Variants in COL4A2 observed in about 807,000 individuals in gnomAD.
COL4A2 encodes the protein collagen type IV alpha 2 chain, also known as collagen alpha-2(IV) chain.
Under a neutral mutation model 200.2 loss-of-function variants are expected in COL4A2, and 99 were observed. The observed-to-expected ratio is 0.49, with a 90% CI of 0.42 to 0.58. COL4A2 has a LOEUF of 0.58. COL4A2 is among the 20% of genes least tolerant of loss of function. The pLI, the probability that COL4A2 is intolerant of heterozygous loss-of-function variation, is 0.00. For missense variants in COL4A2, 1,950 were observed against 2,314.1 expected, an observed-to-expected ratio of 0.84 and a Z score of 3.23; for synonymous variants, 897 against 900.6, an observed-to-expected ratio of 1.00 and a Z score of 0.07.
intron 20 of COL4A2, among the ~76,000 whole-genome samples, chr13:110,452,807 G>A (rs554665668): frequency 6.6e-6 from 1 of 152,054 alleles, no homozygotes; most frequent in Admixed American, 6.5e-5. Flanking sequence ...CTGTATCCCA[G>A]GCTGGAGTGC....
intron 4 of COL4A2, among the ~76,000 whole-genome samples, chr13:110,409,406 G>GTA (rs1288616194): frequency 2.0e-5 from 3 of 152,238 alleles, no homozygotes; most frequent in Admixed American, 6.5e-5. Context: ...CCCTCTCCCA[G>GTA]TAATGCTCCT....
At chr13:110,377,933 C>A (rs1424271539) in intron 4 of COL4A2, among the ~76,000 whole-genome samples, 1 of 152,126 alleles carries the variant, frequency 6.6e-6, no homozygotes, top group Non-Finnish European at 1.5e-5. Context: ...CTCTTATTAG[C>A]AATCAAAACC....
Position 110,307,440 on chromosome 13 carries a change from A to G in COL4A2, c.-133A>G, listed in dbSNP as rs35466678. On this transcript the variant is annotated 5_prime_UTR_variant, in exon 1 of 48. Transcript: ENST00000360467. The surrounding 1 kb of genome is among the most constrained non-coding windows in gnomAD (Gnocchi z 5.0). ...GGGGCCGGCGCCCAGAGAGCCCAGCAAGGCCGGCCGCCCTGCCGGTGTGCC... is the reference window on the plus strand; with the variant it reads ...GGGGCCGGCGCCCAGAGAGCCCAGCGAGGCCGGCCGCCCTGCCGGTGTGCC... The G allele has an allele frequency of 0.16, 31,365 of 200,010 alleles. 2,717 individuals carry two copies. Among genetic ancestry groups the G allele is most frequent in the East Asian group, 0.28 (2,404 of 8,578 alleles). The allele number at this position is 200,010 out of a possible 1,614,324, so 12.4% of individuals were successfully genotyped here.
At chr13:110,365,815 C>T (rs971585011) in intron 4 of COL4A2, among the ~76,000 whole-genome samples, 28 of 152,186 alleles carry the variant, frequency 1.8e-4, no homozygotes, top group East Asian at 1.3e-3. Context: ...GAATGTAAAA[C>T]TCCATTGCTA....
At chr13:110,413,983 C>G (rs1483650305) in intron 4 of COL4A2, among the ~76,000 whole-genome samples, 3 of 152,224 alleles carry the variant, frequency 2.0e-5, no homozygotes, top group Non-Finnish European at 4.4e-5. Flanking sequence ...CCAAACCTGC[C>G]TGTGAATCTT....
chr13:110,494,084 AAACT>A (rs1283037003), intron 39 of COL4A2, among the ~76,000 whole-genome samples: 3 of 152,230 alleles, frequency 2.0e-5, no homozygotes, highest in African/African-American at 7.2e-5. Context: ...CAGGAAAAAG[AAACT>A]AACAACTTTC....
chr13:110,327,366 G>C (rs575905736), intron 3 of COL4A2, among the ~76,000 whole-genome samples: 18 of 152,318 alleles, frequency 1.2e-4, no homozygotes, highest in African/African-American at 4.3e-4. Context: ...GGGTATTTCA[G>C]ACAAACTTCT....
chr13:110,414,927 A>AT (rs980241607), intron 4 of COL4A2, among the ~76,000 whole-genome samples: 10 of 152,140 alleles, frequency 6.6e-5, no homozygotes, highest in African/African-American at 1.9e-4. Flanking sequence ...GTATGGTAGA[A>AT]TTTTTTTTGT....
chr13:110,502,890 G>A (rs1434862879), intron 41 of COL4A2: 10 of 474,020 alleles, frequency 2.1e-5, no homozygotes, highest in Non-Finnish European at 3.7e-5. Flanking sequence ...GCTGGTCGGC[G>A]GTGAAGGTGA....
chr13:110,454,562 A>G (rs1246106672), intron 20 of COL4A2, among the ~76,000 whole-genome samples: 2 of 152,150 alleles, frequency 1.3e-5, no homozygotes, highest in Non-Finnish European at 2.9e-5. Flanking sequence ...CCGGACACGC[A>G]GCTGACCTGG....
rs564647440 is a variant in COL4A2, at chr13:110,441,273, G to A, written c.957+1440G>A. On this transcript the variant is annotated intron_variant, in intron 16 of 47. Coordinates refer to ENST00000360467, the MANE Select transcript of COL4A2 (RefSeq NM_001846.4). Reference sequence around the variant, plus strand: ...GGTACAGAAGCTCGGCAGGCCTGGTGGGGGTTCCGCCATGCTTGTTCCAGG... The same window carrying A: ...GGTACAGAAGCTCGGCAGGCCTGGTAGGGGTTCCGCCATGCTTGTTCCAGG... Among the ~76,000 whole-genome samples, 3 of 152,288 alleles carry A rather than the reference G, an allele frequency of 2.0e-5. No homozygotes were observed. The South Asian group carries it at 6.2e-4, about 32-fold the overall frequency.
chr13:110,330,300 C>T (rs998169870), intron 3 of COL4A2, among the ~76,000 whole-genome samples: 2 of 151,968 alleles, frequency 1.3e-5, no homozygotes, highest in Non-Finnish European at 2.9e-5. Flanking sequence ...GGTAAGGTTT[C>T]GGGGCGAGTG....
At chr13:110,445,180 C>CT (rs946574033) in intron 16 of COL4A2, among the ~76,000 whole-genome samples, 1 of 152,140 alleles carries the variant, frequency 6.6e-6, no homozygotes, top group African/African-American at 2.4e-5. Flanking sequence ...AGAAAAAACT[C>CT]TAACTTAAGA....
chr13:110,368,817 T>G (rs1218421918), intron 4 of COL4A2, among the ~76,000 whole-genome samples: 2 of 137,444 alleles, frequency 1.5e-5, no homozygotes, highest in Non-Finnish European at 3.1e-5. Flanking sequence ...AAGCTATTTT[T>G]CTAATTCACA....
intron 20 of COL4A2, 49 bp from the exon 21 acceptor site, chr13:110,457,294 C>G (rs1330197509): frequency 9.2e-7 from 1 of 1,089,906 alleles, no homozygotes; most frequent in Non-Finnish European, 1.4e-6. Flanking sequence ...TGCGTGGGAC[C>G]CCAGGCGTCC....
chr13:110,419,476 CGTCATCCATCT>C (rs1375378795), intron 4 of COL4A2, among the ~76,000 whole-genome samples: 1 of 152,214 alleles, frequency 6.6e-6, no homozygotes, highest in Non-Finnish European at 1.5e-5. Flanking sequence ...GGCCCTGATG[CGTCATCCATCT>C]GTCCACCTTT....
intron 39 of COL4A2, among the ~76,000 whole-genome samples, chr13:110,493,822 G>T (rs1566566122): frequency 6.6e-6 from 1 of 151,890 alleles, no homozygotes; most frequent in Non-Finnish European, 1.5e-5. Context: ...CGGGTTCTGG[G>T]GGGGGCCGCG....
In COL4A2 at chr13:110,508,273, C is replaced by A. The variant is rs1883959016; in HGVS notation, c.4881+52C>A. ...CCCCAACCACACCCTGCTGGGGACACAGCAAGAACAGCTGCCTTTGTGAGA... is the reference window on the plus strand; with the variant it reads ...CCCCAACCACACCCTGCTGGGGACAAAGCAAGAACAGCTGCCTTTGTGAGA... On this transcript the variant is annotated intron_variant, in intron 47 of 47. Transcript: ENST00000360467. The surrounding 1 kb of genome is among the most constrained non-coding windows in gnomAD (Gnocchi z 6.1). The A allele has an allele frequency of 2.5e-6, 4 of 1,589,780 alleles. No homozygotes were observed. The highest frequency in any genetic ancestry group is 3.4e-6 in the Non-Finnish European group (4 of 1,164,468).
chr13:110,327,565 T>C (rs1885451824), intron 3 of COL4A2, among the ~76,000 whole-genome samples: 1 of 152,206 alleles, frequency 6.6e-6, no homozygotes, highest in South Asian at 2.1e-4. Context: ...TCCCAGATGG[T>C]TTTTAAGTGT....
Sources: allele counts gnomAD v4.1 joint callset (sites outside exome capture counted in the v4.1 genomes callset), GRCh38; gene constraint gnomAD v4.1.1; non-coding constraint Gnocchi (gnomAD v3.1); transcripts MANE v1.5; gene names NCBI Gene and HGNC (gene_info 2026-07-23, HGNC 2026-07-21).